The following IMMP2L variants were observed in gnomAD, a reference collection of about 807,000 sequenced individuals.
The protein encoded by IMMP2L is mitochondrial inner membrane protease subunit 2.
IMMP2L carries 18 observed loss-of-function variants against 19.3 expected under a neutral mutation model. That is an observed-to-expected ratio of 0.93 (90% CI 0.64 to 1.38). IMMP2L has a LOEUF of 1.38. Ranked by LOEUF, IMMP2L falls within the 40% of genes most tolerant of loss-of-function variation. The probability of loss-of-function intolerance (pLI) is 0.00; values close to 1 mark genes in which losing one functional copy is unlikely to be tolerated. For synonymous variants in IMMP2L, 76 were observed against 73.0 expected (o/e 1.04, Z -0.21); for missense variants, 233 against 218.2 (o/e 1.07, Z -0.43).
At chr7:111,404,856 A>C (rs1224532959) in intron 3 of IMMP2L, among the ~76,000 whole-genome samples, 4 of 152,074 alleles carry the variant, frequency 2.6e-5, no homozygotes, top group Non-Finnish European at 5.9e-5. Context: ...CAATACAAAA[A>C]TTTCAGAATC....
At chr7:111,490,172 A>T (rs1456134220) in intron 2 of IMMP2L, among the ~76,000 whole-genome samples, 1 of 142,598 alleles carries the variant, frequency 7.0e-6, no homozygotes, top group Non-Finnish European at 1.5e-5. Context: ...ATCATAGTTC[A>T]CTGTAGCCTT....
intron 3 of IMMP2L, among the ~76,000 whole-genome samples, chr7:111,434,755 T>G (rs1390718868): frequency 1.3e-5 from 2 of 151,742 alleles, no homozygotes; most frequent in Admixed American, 1.3e-4. Flanking sequence ...GGTTTTAACA[T>G]GTTGGTCAGG....
In IMMP2L at chr7:111,206,439, T is replaced by A. The variant is rs555365431; in HGVS notation, c.240-242874A>T. On this transcript the variant is annotated intron_variant, in intron 3 of 5. Transcript: ENST00000405709. ...TCTCGAACTACATTTCAAGTCTACA[T>A]TTATATGCATTTTGGTGTATAGCGA... Among the ~76,000 whole-genome samples, 66 of 152,300 alleles carry A rather than the reference T, an allele frequency of 4.3e-4. 1 individual carries two copies. Among genetic ancestry groups the A allele is most frequent in the Non-Finnish European group, 8.2e-4 (56 of 68,018 alleles).
At chr7:111,529,796 A>T (rs2132781664) in intron 1 of IMMP2L, among the ~76,000 whole-genome samples, 1 of 152,302 alleles carries the variant, frequency 6.6e-6, no homozygotes, top group East Asian at 1.9e-4. Context: ...TACTAAGAGA[A>T]GAGAGGTTAA....
intron 3 of IMMP2L, among the ~76,000 whole-genome samples, chr7:111,291,964 C>T (rs998278934): frequency 3.9e-5 from 6 of 152,164 alleles, no homozygotes; most frequent in African/African-American, 1.2e-4. Flanking sequence ...TTGAAAAGTT[C>T]TACCTAAATC....
chr7:111,509,512 G>C (rs1040511198), intron 2 of IMMP2L, among the ~76,000 whole-genome samples: 1 of 152,146 alleles, frequency 6.6e-6, no homozygotes, highest in Non-Finnish European at 1.5e-5. Context: ...CAATAAAGCA[G>C]CATTTTGCAA....
intron 3 of IMMP2L, among the ~76,000 whole-genome samples, chr7:111,034,735 C>T (rs961248359): frequency 7.2e-5 from 11 of 152,134 alleles, no homozygotes; most frequent in African/African-American, 2.7e-4. Flanking sequence ...TATAGAACTG[C>T]ATATTTACTT....
chr7:110,741,971 G>T (rs948920770), intron 5 of IMMP2L, among the ~76,000 whole-genome samples: 15 of 152,182 alleles, frequency 9.9e-5, no homozygotes, highest in Non-Finnish European at 1.9e-4. Context: ...TCTTAGGGGT[G>T]TGAGGTATTC....
intron 4 of IMMP2L, among the ~76,000 whole-genome samples, chr7:110,940,648 G>A (rs1393681736): frequency 6.6e-6 from 1 of 152,146 alleles, no homozygotes; most frequent in Non-Finnish European, 1.5e-5. Context: ...TCTATAACGT[G>A]AGTGCGAATG....
intron 3 of IMMP2L, among the ~76,000 whole-genome samples, chr7:111,139,208 T>C (rs2129597445): frequency 6.6e-6 from 1 of 152,020 alleles, no homozygotes; most frequent in South Asian, 2.1e-4. Context: ...TAACAAAAGA[T>C]CTAAATTAAG....
intron 3 of IMMP2L, among the ~76,000 whole-genome samples, chr7:111,417,327 C>T (rs112826759): frequency 0.021 from 3,138 of 151,804 alleles, 188 homozygotes; most frequent in African/African-American, 0.072. Flanking sequence ...GGGTGGAGGG[C>T]GTCACAGTGA....
chr7:110,819,516 A>T (rs1449433603), intron 5 of IMMP2L, among the ~76,000 whole-genome samples: 1 of 152,022 alleles, frequency 6.6e-6, no homozygotes, highest in Admixed American at 6.6e-5. Context: ...GCTGGTGGAG[A>T]GCTGCTTCCA....
chr7:110,931,973 T>C (rs1279835922), intron 4 of IMMP2L, among the ~76,000 whole-genome samples: 3 of 152,164 alleles, frequency 2.0e-5, no homozygotes, highest in Non-Finnish European at 2.9e-5. Context: ...TACTCCTTTC[T>C]TCTAGCCTGG....
intron 1 of IMMP2L, among the ~76,000 whole-genome samples, chr7:111,544,544 G>A (rs564990096): frequency 1.8e-4 from 28 of 152,208 alleles, no homozygotes; most frequent in African/African-American, 6.5e-4. Context: ...ACCTATCACA[G>A]AGAAAATCAA....
At chr7:110,965,188 C>T (rs1205487273) in intron 3 of IMMP2L, among the ~76,000 whole-genome samples, 1 of 151,992 alleles carries the variant, frequency 6.6e-6, no homozygotes, top group Non-Finnish European at 1.5e-5. Context: ...CAAGAAACAT[C>T]TCATGCATCA....
At chr7:110,836,052 A>G (rs978805745) in intron 5 of IMMP2L, among the ~76,000 whole-genome samples, 2 of 152,164 alleles carry the variant, frequency 1.3e-5, no homozygotes, top group African/African-American at 4.8e-5. Context: ...TGGTGAGTTA[A>G]TAAGATAACA....
chr7:111,040,736 T>C (rs1791814304), intron 3 of IMMP2L, among the ~76,000 whole-genome samples: 1 of 148,890 alleles, frequency 6.7e-6, no homozygotes, highest in South Asian at 2.1e-4. Context: ...TATAATTATA[T>C]AAAATCTTAT....
At chr7:111,344,351 TTTGTGTATGCCTGC>T (rs1827324971) in intron 3 of IMMP2L, among the ~76,000 whole-genome samples, 1 of 152,188 alleles carries the variant, frequency 6.6e-6, no homozygotes, top group Non-Finnish European at 1.5e-5. Context: ...TTCCCTTCAC[TTTGTGTATGCCTGC>T]TTCCTTTTCT....
chr7:110,687,137 G>C (rs575759619), intron 5 of IMMP2L, among the ~76,000 whole-genome samples: 4 of 152,120 alleles, frequency 2.6e-5, no homozygotes, highest in African/African-American at 9.6e-5. Flanking sequence ...AGTGTAACCA[G>C]CATGGTTACT....
Sources: gnomAD v4.1 joint callset for allele counts (sites outside exome capture counted in the v4.1 genomes callset) on GRCh38, gnomAD v4.1.1 for gene constraint, MANE v1.5 for transcripts, NCBI Gene and HGNC (gene_info 2026-07-23, HGNC 2026-07-21) for gene names.